The following PPFIA1 variants were observed in gnomAD, a reference collection of about 807,000 sequenced individuals.
PPFIA1 encodes liprin-alpha-1.
Under a neutral mutation model 149.9 loss-of-function variants are expected in PPFIA1, and 25 were observed. The ratio of observed to expected loss-of-function variants is 0.17; its 90% CI spans 0.12 to 0.23. PPFIA1 has a LOEUF of 0.23. Ranked by LOEUF, PPFIA1 falls within the 10% of genes least tolerant of loss-of-function variation. The probability of loss-of-function intolerance (pLI) is 1.00; values close to 1 mark genes in which losing one functional copy is unlikely to be tolerated. For synonymous variants in PPFIA1, 549 were observed against 552.8 expected, an observed-to-expected ratio of 0.99 and a Z score of 0.10; for missense variants, 1,362 against 1,506.5, an observed-to-expected ratio of 0.90 and a Z score of 1.59.
At chr11:70,349,259 G>A (rs908450038) in intron 16 of PPFIA1, among the ~76,000 whole-genome samples, 59 of 152,186 alleles carry the variant, frequency 3.9e-4, no homozygotes, top group African/African-American at 1.4e-3. Flanking sequence ...ACAGCTTAGG[G>A]TCACCTCTCA....
chr11:70,292,782 T>G (rs2051623855), intron 2 of PPFIA1, among the ~76,000 whole-genome samples: 1 of 152,152 alleles, frequency 6.6e-6, no homozygotes, highest in Non-Finnish European at 1.5e-5. Flanking sequence ...TATTACATGG[T>G]AGAGGCTGTA....
chr11:70,368,799 TAA>T (rs1250101287), intron 21 of PPFIA1, among the ~76,000 whole-genome samples: 1 of 152,250 alleles, frequency 6.6e-6, no homozygotes, highest in Non-Finnish European at 1.5e-5. Context: ...CATCTTCAAA[TAA>T]AGACAATTTT....
At chr11:70,305,387 T>C (rs1273728419) in intron 2 of PPFIA1, among the ~76,000 whole-genome samples, 1 of 152,180 alleles carries the variant, frequency 6.6e-6, no homozygotes, top group Non-Finnish European at 1.5e-5. Flanking sequence ...TTTACTTCTT[T>C]TTTTTTGAGA....
intron 2 of PPFIA1, among the ~76,000 whole-genome samples, chr11:70,306,626 A>G (rs1340215449): frequency 6.6e-6 from 1 of 152,234 alleles, no homozygotes; most frequent in Admixed American, 6.5e-5. Flanking sequence ...GTACTTTCTG[A>G]TAACGAATGT....
intron 7 of PPFIA1, among the ~76,000 whole-genome samples, chr11:70,329,223 C>G (rs1339462817): frequency 6.6e-6 from 1 of 152,126 alleles, no homozygotes; most frequent in East Asian, 1.9e-4. Context: ...TTTGAGGACA[C>G]TTTCACCTCC....
In PPFIA1 at chr11:70,326,576, AT is replaced by A. The variant is rs3833993; in HGVS notation, c.709-12del. ...GCTCACCAAACAAGGGTATTTAAGG[AT>A]TTTTTTTTCCCCCTATCAGAGATCT... On this transcript the variant is annotated intron_variant, in intron 6 of 27. Coordinates refer to ENST00000253925, the MANE Select transcript of PPFIA1 (RefSeq NM_003626.5). 2.1e-3 allele frequency: 3,250 copies of A among 1,558,586 alleles called. 8 individuals carry two copies. The highest frequency in any genetic ancestry group is 0.013 in the East Asian group (582 of 44,482).
chr11:70,316,015 A>ACATCCT (rs2136626598), intron 2 of PPFIA1, among the ~76,000 whole-genome samples: 1 of 152,144 alleles, frequency 6.6e-6, no homozygotes, highest in African/African-American at 2.4e-5. Flanking sequence ...ACTCAGCCCA[A>ACATCCT]CATCCTCAAG....
In PPFIA1 at chr11:70,372,541, A is replaced by G. The variant is rs1330713195; in HGVS notation, c.3106A>G (p.Arg1036Gly). 2 of 1,613,444 alleles carry G rather than the reference A, an allele frequency of 1.2e-6. No individual in the cohort carries two copies. Among genetic ancestry groups the G allele is most frequent in the East Asian group, 4.5e-5 (2 of 44,878 alleles). Reference protein sequence around the residue: ...RLNYDRKELERKREESQSEIK... With the variant: ...RLNYDRKELEGKREESQSEIK... Reference sequence around the variant, plus strand: ...AAATTATGACCGGAAAGAACTGGAAAGAAAAAGAGAAGAAAGTCAGAGTGA... The same window carrying G: ...AAATTATGACCGGAAAGAACTGGAAGGAAAAAGAGAAGAAAGTCAGAGTGA... The change falls in exon 23 of 28, where the codon AGA becomes GGA. Residue 1036 changes from arginine to glycine, a missense_variant. Around this residue, in one of 7 missense-constraint regions of PPFIA1, gnomAD observed 349 missense variants for 373.3 expected, o/e 0.93. Coordinates refer to ENST00000253925, the MANE Select transcript of PPFIA1 (RefSeq NM_003626.5).
intron 2 of PPFIA1, among the ~76,000 whole-genome samples, chr11:70,275,707 G>T (rs1327728601): frequency 2.6e-5 from 4 of 152,136 alleles, no homozygotes; most frequent in Non-Finnish European, 2.9e-5. Context: ...TCAGTCCAGT[G>T]ACTGTAAGTG....
intron 17 of PPFIA1, among the ~76,000 whole-genome samples, chr11:70,354,683 A>T (rs1012925534): frequency 4.6e-5 from 7 of 152,108 alleles, no homozygotes; most frequent in African/African-American, 1.7e-4. Context: ...GAAAGAAAGG[A>T]GTTAAATGAT....
rs577632963 is a variant in PPFIA1, at chr11:70,299,587, C to T, written c.265-24815C>T. Among the ~76,000 whole-genome samples the T allele has an allele frequency of 3.9e-5, 6 of 152,250 alleles. No homozygotes were observed. In the East Asian group the frequency reaches 1.2e-3, roughly 29 times the overall value. On this transcript the variant is annotated intron_variant, in intron 2 of 27. Transcript: ENST00000253925. Reference sequence around the variant, plus strand: ...TCTGGATGCTCCGGGGACCTCAGCCCTGTGTTTTGTGATTGTTTCAGACGT... The same window carrying T: ...TCTGGATGCTCCGGGGACCTCAGCCTTGTGTTTTGTGATTGTTTCAGACGT...
intron 19 of PPFIA1, 151 bp downstream of exon 19, chr11:70,356,405 G>T: frequency 1.5e-6 from 1 of 654,856 alleles, no homozygotes; most frequent in Non-Finnish European, 2.6e-6. Context: ...CGTACTTTCT[G>T]GAAGATTTAG....
Position 70,348,267 on chromosome 11 carries a change from C to T in PPFIA1, c.2010C>T (p.Asp670=), listed in dbSNP as rs1473146007. The change falls in exon 16 of 28, where the codon GAC becomes GAT. Residue 670 remains aspartate, a synonymous_variant. Coordinates refer to ENST00000253925, the MANE Select transcript of PPFIA1 (RefSeq NM_003626.5). ...GTCGAGTTGGCAGTGGAAGTCTAGACAATCTTGGTCGTTTTAGATCAATGA... is the reference window on the plus strand; with the variant it reads ...GTCGAGTTGGCAGTGGAAGTCTAGATAATCTTGGTCGTTTTAGATCAATGA... ...IESRVGSGSL[D]NLGRFRSMSS... 4.3e-6 allele frequency: 7 copies of T among 1,614,238 alleles called. No individual in the cohort carries two copies. Among genetic ancestry groups the T allele is most frequent in the Non-Finnish European group, 5.9e-6 (7 of 1,180,044 alleles).
rs773861035 is a variant in PPFIA1, at chr11:70,362,461, C to T, written c.2838C>T (p.Ser946=). ...TCCAGGAGATCATGTCGCTGACCAG[C>T]CCGTCTGCCCCGCCCACATCTAGAA... ...LAIQEIMSLT[S]PSAPPTSRTT... Residue 946 remains serine (S), a synonymous_variant, in exon 21 of 28, where the codon AGC becomes AGT. Coordinates refer to ENST00000253925, the MANE Select transcript of PPFIA1 (RefSeq NM_003626.5). 6.2e-7 allele frequency: 1 copy of T among 1,613,626 alleles called. No homozygotes were observed. Among genetic ancestry groups the T allele is most frequent in the South Asian group, 1.1e-5 (1 of 91,010 alleles).
At chr11:70,300,536 T>A (rs987574148) in intron 2 of PPFIA1, among the ~76,000 whole-genome samples, 8 of 94,082 alleles carry the variant, frequency 8.5e-5, no homozygotes, top group Non-Finnish European at 1.2e-4. Context: ...GCCCACCTAA[T>A]TTTTTTTTTT....
intron 11 of PPFIA1, 63 bp from the exon 12 acceptor site, chr11:70,337,278 CCTTTTTTTTTTTAAACGAATACAG>C: frequency 1.1e-6 from 1 of 907,560 alleles, no homozygotes; most frequent in Non-Finnish European, 1.6e-6. Context: ...TTTGTGTGGT[CCTTTTTTTTTTTAAACGAATACAG>C]CCATGCTATA....
chr11:70,324,026 C>T (rs1461047753), intron 2 of PPFIA1, among the ~76,000 whole-genome samples: 1 of 152,254 alleles, frequency 6.6e-6, no homozygotes, highest in South Asian at 2.1e-4. Flanking sequence ...CATCTTTCCT[C>T]TCTCTCCAGC....
At chr11:70,273,698 C>CT (rs1398496417) in intron 2 of PPFIA1, among the ~76,000 whole-genome samples, 1 of 152,048 alleles carries the variant, frequency 6.6e-6, no homozygotes, top group Non-Finnish European at 1.5e-5. Context: ...CTCTATGTTC[C>CT]TTTTTTGTTG....
intron 16 of PPFIA1, among the ~76,000 whole-genome samples, chr11:70,349,689 T>C (rs2137249167): frequency 6.6e-6 from 1 of 152,336 alleles, no homozygotes; most frequent in African/African-American, 2.4e-5. Context: ...TATTTTGCAG[T>C]GTTTTGAAAT....
Sources: allele counts gnomAD v4.1 joint callset (sites outside exome capture counted in the v4.1 genomes callset), GRCh38; gene constraint gnomAD v4.1.1; regional missense constraint gnomAD v4.1.1; transcripts MANE v1.5; gene names NCBI Gene and HGNC (gene_info 2026-07-23, HGNC 2026-07-21).